HRK: variants seen among roughly 807,000 people sequenced by gnomAD.
HRK encodes the protein activator of apoptosis harakiri.
A neutral mutation model predicts 5.9 loss-of-function variants in HRK; 6 were observed. The ratio of observed to expected loss-of-function variants is 1.02; its 90% CI spans 0.56 to 2.01. The LOEUF is 2.01. Among genes scored for constraint, HRK ranks in the 30% most tolerant of loss-of-function variants. The pLI is 0.00. For missense variants in HRK, 133 were observed against 128.3 expected, an observed-to-expected ratio of 1.04 and a Z score of -0.18; for synonymous variants, 85 against 65.1, an observed-to-expected ratio of 1.31 and a Z score of -1.47.
intron 1 of HRK, among the ~76,000 whole-genome samples, chr12:116,865,150 C>T (rs1239388284): frequency 6.6e-6 from 1 of 152,102 alleles, no homozygotes; most frequent in Non-Finnish European, 1.5e-5. Flanking sequence ...AACCCCAGTG[C>T]AGCATTAGAT....
intron 1 of HRK, among the ~76,000 whole-genome samples, chr12:116,875,531 G>A (rs1011491012): frequency 5.3e-5 from 8 of 151,982 alleles, no homozygotes; most frequent in African/African-American, 1.9e-4. Context: ...ATGTTGCATA[G>A]TTTCTTTTTT....
chr12:116,856,419 T>A lies in HRK; in HGVS notation c.*5104A>T, dbSNP rs549945313. ...AGGAGAAGAAACTTGGGAGTTCAGGTTGGAGAAGAGGGTAGAAAGGAGGTA... is the reference window on the plus strand; with the variant it reads ...AGGAGAAGAAACTTGGGAGTTCAGGATGGAGAAGAGGGTAGAAAGGAGGTA... On this transcript the variant is annotated 3_prime_UTR_variant, in exon 2 of 2. Transcript: ENST00000257572. The surrounding 1 kb of genome is among the most constrained non-coding windows in gnomAD (Gnocchi z 4.4). The A allele has an allele frequency of 1.3e-5, 2 of 152,256 alleles. No individual in the cohort carries two copies. Among genetic ancestry groups the A allele is most frequent in the South Asian group, 4.1e-4 (2 of 4,822 alleles). The allele number at this position is 152,256 out of a possible 1,614,324, so 9.4% of individuals were successfully genotyped here. A position where few individuals can be genotyped will look rare whatever the true frequency, so the allele number is the denominator to read the frequency against.
At chr12:116,863,986 G>A (rs77051000) in intron 1 of HRK, among the ~76,000 whole-genome samples, 1,601 of 152,214 alleles carry the variant, frequency 0.011, 38 homozygotes, top group African/African-American at 0.036. Flanking sequence ...ACAGGTGTGC[G>A]CCACCACACC....
chr12:116,862,917 T>C lies in HRK; in HGVS notation c.*57-1451A>G, dbSNP rs1026762093. Among the ~76,000 whole-genome samples, 1 of 152,104 alleles carries C rather than the reference T, an allele frequency of 6.6e-6. No individual in the cohort carries two copies. The highest frequency in any genetic ancestry group is 1.5e-5 in the Non-Finnish European group (1 of 68,028). On this transcript the variant is annotated intron_variant, in intron 1 of 1. Coordinates refer to ENST00000257572, the MANE Select transcript of HRK (RefSeq NM_003806.4). The surrounding 1 kb of genome is among the most constrained non-coding windows in gnomAD (Gnocchi z 4.0). ...ATGCCCGGCTAAATTTTTGTATTTT[T>C]AGTAGAGACTGAGTTTTGCCATGTT...
rs188205576 is a variant in HRK at position 116,879,111 on chromosome 12, G to A, written c.*56+1865C>T. ...GGAACACACAGTCAGGCTCCGGCCC[G>A]GAGTCCTCGGCCTCCCGGGAGGGGC... On this transcript the variant is annotated intron_variant, in intron 1 of 1. Transcript: ENST00000257572. The surrounding 1 kb of genome is among the most constrained non-coding windows in gnomAD (Gnocchi z 5.6). 6 of 152,150 alleles carry A rather than the reference G, an allele frequency of 3.9e-5. No individual in the cohort carries two copies. The highest frequency in any genetic ancestry group is 1.3e-4 in the Admixed American group (2 of 15,288). The allele number at this position is 152,150 out of a possible 1,614,324, so 9.4% of individuals were successfully genotyped here. A position where few individuals can be genotyped will look rare whatever the true frequency, so the allele number is the denominator to read the frequency against.
At chr12:116,876,162 T>G (rs1878918818) in intron 1 of HRK, among the ~76,000 whole-genome samples, 1 of 152,216 alleles carries the variant, frequency 6.6e-6, no homozygotes, top group South Asian at 2.1e-4. Context: ...ACTTGTACTC[T>G]GGCCTCTCAC....
chr12:116,863,593 A>C (rs1878439383), intron 1 of HRK, among the ~76,000 whole-genome samples: 1 of 152,084 alleles, frequency 6.6e-6, no homozygotes, highest in Non-Finnish European at 1.5e-5. Context: ...GCCCTAATGG[A>C]TACATCTGAC....
intron 1 of HRK, among the ~76,000 whole-genome samples, chr12:116,864,861 G>A (rs1415586969): frequency 6.6e-6 from 1 of 152,084 alleles, no homozygotes; most frequent in Non-Finnish European, 1.5e-5. Flanking sequence ...AAAACATCAA[G>A]TCCATCAACC....
At chr12:116,864,480 T>C (rs1191296797) in intron 1 of HRK, among the ~76,000 whole-genome samples, 2 of 152,112 alleles carry the variant, frequency 1.3e-5, no homozygotes, top group Admixed American at 1.3e-4. Flanking sequence ...GGGGTTACAA[T>C]TACCAGGGAA....
chr12:116,865,518 C>T lies in HRK; in HGVS notation c.*57-4052G>A, dbSNP rs182131174. 6.0e-3 allele frequency among the ~76,000 whole-genome samples: 918 copies of T among 152,240 alleles called. 11 individuals are homozygous for T. The highest frequency in any genetic ancestry group is 0.021 in the African/African-American group (887 of 41,546). On this transcript the variant is annotated intron_variant, in intron 1 of 1. Coordinates refer to ENST00000257572, the MANE Select transcript of HRK (RefSeq NM_003806.4). The stretch of plus-strand genomic sequence containing the variant: ...CTCCATCCTGGGCAACAGAGCCAGA[C>T]CCTGTCTCAATAAGTAAATAAATAA...
intron 1 of HRK, among the ~76,000 whole-genome samples, chr12:116,875,973 G>C (rs558375923): frequency 4.1e-4 from 62 of 152,092 alleles, no homozygotes; most frequent in Non-Finnish European, 6.3e-4. Flanking sequence ...CCTATCACAG[G>C]GACACTAGTG....
chr12:116,877,603 T>C (rs556541789), intron 1 of HRK, among the ~76,000 whole-genome samples: 1 of 152,330 alleles, frequency 6.6e-6, no homozygotes, highest in Admixed American at 6.5e-5. Context: ...AAATGTTGAC[T>C]ACCTTGGGAA....
intron 1 of HRK, among the ~76,000 whole-genome samples, chr12:116,869,869 C>G (rs1878682704): frequency 3.9e-5 from 6 of 152,140 alleles, no homozygotes; most frequent in Admixed American, 3.3e-4. Flanking sequence ...CACTTGAGGT[C>G]AGGAGTTAGA....
Position 116,879,110 on chromosome 12 carries a change from C to G in HRK, c.*56+1866G>C, listed in dbSNP as rs1015555541. 1 of 152,234 alleles carries G rather than the reference C, an allele frequency of 6.6e-6. No individual in the cohort carries two copies. Among genetic ancestry groups the G allele is most frequent in the African/African-American group, 2.4e-5 (1 of 41,440 alleles). 9.4% of individuals were successfully genotyped at this position (152,234 alleles called of 1,614,324 possible). A position where few individuals can be genotyped will look rare whatever the true frequency, so the allele number is the denominator to read the frequency against. On this transcript the variant is annotated intron_variant, in intron 1 of 1. Coordinates refer to ENST00000257572, the MANE Select transcript of HRK (RefSeq NM_003806.4). The surrounding 1 kb of genome is among the most constrained non-coding windows in gnomAD (Gnocchi z 5.6). The stretch of plus-strand genomic sequence containing the variant: ...AGGAACACACAGTCAGGCTCCGGCC[C>G]GGAGTCCTCGGCCTCCCGGGAGGGG...
At chr12:116,876,142 C>A (rs544009864) in intron 1 of HRK, among the ~76,000 whole-genome samples, 1 of 152,306 alleles carries the variant, frequency 6.6e-6, no homozygotes, top group South Asian at 2.1e-4. Context: ...TTTCCATCCA[C>A]AGCTCAGTCA....
At position 116,858,043 on chromosome 12, in the gene HRK, G is replaced by A. The variant is rs1342239206; in HGVS notation, c.*3480C>T. ...CACTCCAGCCTGGGTGACAGAGTGA[G>A]ACTCTGTCTCAAAATAAAATAGAAG... On this transcript the variant is annotated 3_prime_UTR_variant, in exon 2 of 2. Transcript: ENST00000257572. The A allele has an allele frequency of 6.9e-6, 1 of 144,486 alleles. No individual in the cohort carries two copies. Among genetic ancestry groups the A allele is most frequent in the Non-Finnish European group, 1.5e-5 (1 of 66,956 alleles). 9.0% of individuals were successfully genotyped at this position (144,486 alleles called of 1,614,324 possible).
rs1041578565 is a variant in HRK at position 116,862,104 on chromosome 12, A to C, written c.*57-638T>G. ...TATAGGAGCCCAGGGGAGGCAGCTC[A>C]TAAGGGAGACAAAGCAGACTCCTCA... On this transcript the variant is annotated intron_variant, in intron 1 of 1. Coordinates refer to ENST00000257572, the MANE Select transcript of HRK (RefSeq NM_003806.4). The surrounding 1 kb of genome is among the most constrained non-coding windows in gnomAD (Gnocchi z 4.0). Among the ~76,000 whole-genome samples the C allele has an allele frequency of 1.3e-5, 2 of 152,218 alleles. No homozygotes were observed. The highest frequency in any genetic ancestry group is 4.8e-5 in the African/African-American group (2 of 41,462).
Position 116,861,188 on chromosome 12 carries a change from C to A in HRK, c.*335G>T, listed in dbSNP as rs1426110397. On this transcript the variant is annotated 3_prime_UTR_variant, in exon 2 of 2. Transcript: ENST00000257572. ...CATCGCAAGGTGCAGAAAAGGAAGG[C>A]AACCACGTCCTCAACAAGGCATGCA... The A allele has an allele frequency of 2.0e-5, 3 of 152,194 alleles. No homozygotes were observed. The highest frequency in any genetic ancestry group is 2.1e-4 in the South Asian group (1 of 4,830). 9.4% of individuals were successfully genotyped at this position (152,194 alleles called of 1,614,324 possible). A position where few individuals can be genotyped will look rare whatever the true frequency, so the allele number is the denominator to read the frequency against.
rs754671039 is a variant in HRK, at chr12:116,860,361, G to A, written c.*1162C>T. 8.5e-5 allele frequency: 13 copies of A among 152,154 alleles called. No individual in the cohort carries two copies. Among genetic ancestry groups the A allele is most frequent in the Non-Finnish European group, 1.9e-4 (13 of 68,046 alleles). The allele number at this position is 152,154 out of a possible 1,614,324, so 9.4% of individuals were successfully genotyped here. A position where few individuals can be genotyped will look rare whatever the true frequency, so the allele number is the denominator to read the frequency against. On this transcript the variant is annotated 3_prime_UTR_variant, in exon 2 of 2. Transcript: ENST00000257572. ...CTCTGTCAATCAGTGAGATGCTGGT[G>A]CATTTCATTTAAATGGCCCACTCCC...
Sources: gnomAD v4.1 joint callset for allele counts (sites outside exome capture counted in the v4.1 genomes callset) on GRCh38, gnomAD v4.1.1 for gene constraint, Gnocchi (gnomAD v3.1) non-coding constraint, MANE v1.5 for transcripts, NCBI Gene and HGNC (gene_info 2026-07-23, HGNC 2026-07-21) for gene names.